The following ATF2 variants were observed in gnomAD, a reference collection of about 807,000 sequenced individuals.
ATF2 encodes cyclic AMP-dependent transcription factor ATF-2.
ATF2 carries 24 observed loss-of-function variants against 60.6 expected under a neutral mutation model. The ratio of observed to expected loss-of-function variants is 0.40; its 90% CI spans 0.29 to 0.56. The LOEUF (loss-of-function observed/expected upper bound fraction) is 0.56. Among genes scored for constraint, ATF2 ranks in the 20% least tolerant of loss-of-function variants. The pLI is 0.54. For missense variants in ATF2, 433 were observed against 607.7 expected (o/e 0.71, Z 3.02); for synonymous variants, 206 against 215.4 (o/e 0.96, Z 0.38).
intron 11 of ATF2, among the ~76,000 whole-genome samples, chr2:175,096,725 A>G (rs901116477): frequency 1.3e-5 from 2 of 152,186 alleles, no homozygotes; most frequent in African/African-American, 4.8e-5. Flanking sequence ...TAATTTTTTA[A>G]GAAGAGATCC....
chr2:175,139,709 A>G (rs1028127722), intron 2 of ATF2, among the ~76,000 whole-genome samples: 6 of 152,036 alleles, frequency 3.9e-5, no homozygotes, highest in African/African-American at 1.4e-4. Context: ...GATTACATTA[A>G]ATACCACCAC....
chr2:175,166,746 A>G (rs1700373250), intron 1 of ATF2, among the ~76,000 whole-genome samples: 1 of 152,220 alleles, frequency 6.6e-6, no homozygotes, highest in African/African-American at 2.4e-5. Context: ...GCCAGTGGTC[A>G]TGTTTCTTCA....
At position 175,114,039 on chromosome 2, in the gene ATF2, A is replaced by C. The variant is rs1007687506; in HGVS notation, c.696T>G (p.Pro232=). 6.2e-7 allele frequency: 1 copy of C among 1,612,972 alleles called. No homozygotes were observed. The highest frequency in any genetic ancestry group is 1.3e-5 in the African/African-American group (1 of 74,834). The part of the protein sequence containing the change: ...PNGQTMPVAI[P]ASITSSNVHV... The stretch of plus-strand genomic sequence containing the variant: ...GCACATTAGAACTTGTAATTGATGC[A>C]GGAATAGCAACAGGCATGGTTTGTC... The change falls in exon 9 of 14, where the codon CCT becomes CCG. Residue 232 remains proline (P), a synonymous_variant. Transcript: ENST00000264110.
intron 12 of ATF2, among the ~76,000 whole-genome samples, chr2:175,082,806 T>C (rs1394985639): frequency 6.6e-6 from 1 of 152,210 alleles, no homozygotes; most frequent in African/African-American, 2.4e-5. Context: ...ATACATACCG[T>C]TGTCTTTATC....
intron 10 of ATF2, among the ~76,000 whole-genome samples, chr2:175,104,497 G>C (rs973451154): frequency 6.6e-6 from 1 of 152,098 alleles, no homozygotes; most frequent in Admixed American, 6.6e-5. Flanking sequence ...CAGGTGAAGA[G>C]TCAGAAAAAT....
chr2:175,114,879 A>G lies in ATF2; in HGVS notation c.448-11T>C, dbSNP rs1378987188. On this transcript the variant is annotated splice_polypyrimidine_tract_variant and intron_variant, in intron 7 of 13. Coordinates refer to ENST00000264110, the MANE Select transcript of ATF2 (RefSeq NM_001880.4). ...TGCCAATGGTACTTCCTATTTAACA[A>G]TGAGATAAAAAAGGGTGGCATTTAA... 1 of 1,605,858 alleles carries G rather than the reference A, an allele frequency of 6.2e-7. No homozygotes were observed. Among genetic ancestry groups the G allele is most frequent in the South Asian group, 1.1e-5 (1 of 90,252 alleles).
In ATF2 at chr2:175,097,548, C is replaced by T. The variant is rs1191084388; in HGVS notation, c.874G>A (p.Gly292Ser). The T allele has an allele frequency of 6.2e-7, 1 of 1,614,088 alleles. No homozygotes were observed. The highest frequency in any genetic ancestry group is 8.5e-7 in the Non-Finnish European group (1 of 1,179,994). ...LTQQHPPVTN[G>S]DTVKGHGSGL... ...CTACCATGACCTTTGACAGTATCAC[C>T]ATTGGTAACTGGAGGATGTTGCTGG... The change falls in exon 11 of 14, where the codon GGT becomes AGT. Residue 292 changes from glycine (G) to serine (S), a missense_variant. Gly to Ser is a moderately conservative substitution (Grantham distance 56). Coordinates refer to ENST00000264110, the MANE Select transcript of ATF2 (RefSeq NM_001880.4).
chr2:175,144,511 C>T (rs144079364), intron 2 of ATF2, among the ~76,000 whole-genome samples: 44 of 152,076 alleles, frequency 2.9e-4, no homozygotes, highest in African/African-American at 9.6e-4. Flanking sequence ...AGAAATTAAC[C>T]GGCAAAACAC....
chr2:175,090,265 ATGTT>A (rs1415815421), intron 12 of ATF2, among the ~76,000 whole-genome samples: 1 of 152,090 alleles, frequency 6.6e-6, no homozygotes, highest in African/African-American at 2.4e-5. Context: ...ACAACATCTG[ATGTT>A]TGTTCTATAT....
chr2:175,094,936 C>T (rs888093201), intron 11 of ATF2, among the ~76,000 whole-genome samples: 1 of 151,548 alleles, frequency 6.6e-6, no homozygotes, highest in African/African-American at 2.4e-5. Flanking sequence ...AGGAAGATCC[C>T]GTCTCAAAAA....
chr2:175,093,089 T>C lies in ATF2; in HGVS notation c.1157A>G (p.Asp386Gly), dbSNP rs990847052. ...WVQSLEKKAE[D>G]LSSLNGQLQS... The stretch of plus-strand genomic sequence containing the variant: ...CAGCTGACCATTTAATGAACTCAAG[T>C]CTTCAGCTTTCTTCTCTAAAGACTG... Residue 386 changes from aspartate (D) to glycine (G), a missense_variant, in exon 12 of 14, where the codon GAC becomes GGC. Asp to Gly is a moderately conservative substitution (Grantham distance 94). Transcript: ENST00000264110. 6.2e-7 allele frequency: 1 copy of C among 1,614,112 alleles called. No homozygotes were observed. Among genetic ancestry groups the C allele is most frequent in the Non-Finnish European group, 8.5e-7 (1 of 1,180,044 alleles).
intron 2 of ATF2, among the ~76,000 whole-genome samples, chr2:175,142,731 G>A (rs2105788245): frequency 6.8e-6 from 1 of 146,740 alleles, no homozygotes; most frequent in Non-Finnish European, 1.6e-5. Context: ...GTGTGTGTGT[G>A]TGTGTGTGTG....
At chr2:175,132,757 T>A (rs1697827089) in intron 3 of ATF2, 1 of 152,216 alleles carries the variant, frequency 6.6e-6, no homozygotes, top group Non-Finnish European at 1.5e-5. Flanking sequence ...GAATTCAGTA[T>A]CTTTAAATAG....
At chr2:175,099,249 G>T (rs1695152720) in intron 10 of ATF2, among the ~76,000 whole-genome samples, 1 of 151,824 alleles carries the variant, frequency 6.6e-6, no homozygotes, top group East Asian at 1.9e-4. Context: ...GATTACAGGT[G>T]CATGCCACCA....
At position 175,073,437 on chromosome 2, in the gene ATF2, T is replaced by G. The variant is rs1016162114; in HGVS notation, c.*1172A>C. On this transcript the variant is annotated 3_prime_UTR_variant, in exon 14 of 14. Coordinates refer to ENST00000264110, the MANE Select transcript of ATF2 (RefSeq NM_001880.4). The stretch of plus-strand genomic sequence containing the variant: ...CATCGTTAAACATTCAAGCAAAGAT[T>G]GCTGGCATAAACTATTAAAAGACAC... The G allele has an allele frequency of 3.3e-5, 5 of 151,982 alleles. No individual in the cohort carries two copies. Among genetic ancestry groups the G allele is most frequent in the African/African-American group, 1.2e-4 (5 of 41,374 alleles). The allele number at this position is 151,982 out of a possible 1,614,324, so 9.4% of individuals were successfully genotyped here.
chr2:175,097,727 T>G, intron 10 of ATF2, 134 bp from the exon 11 acceptor site: 1 of 905,374 alleles, frequency 1.1e-6, no homozygotes, highest in Middle Eastern at 2.9e-4. Flanking sequence ...ATTCTGTATT[T>G]TGCTGTTCCT....
Position 175,128,211 on chromosome 2 carries a change from C to G in ATF2, c.102+1927G>C, listed in dbSNP as rs191944595. On this transcript the variant is annotated intron_variant, in intron 4 of 13. Transcript: ENST00000264110. ...AAACCCGTATTTTTTAAAAACTTAGCTTCAACTGGCTGGGCGCGGTGGCTC... is the reference window on the plus strand; with the variant it reads ...AAACCCGTATTTTTTAAAAACTTAGGTTCAACTGGCTGGGCGCGGTGGCTC... 1.4e-3 allele frequency among the ~76,000 whole-genome samples: 209 copies of G among 152,282 alleles called. 1 individual carries two copies. The highest frequency in any genetic ancestry group is 5.0e-3 in the African/African-American group (206 of 41,562).
At chr2:175,140,029 G>GA (rs1429441195) in intron 2 of ATF2, among the ~76,000 whole-genome samples, 2 of 151,884 alleles carry the variant, frequency 1.3e-5, no homozygotes, top group Non-Finnish European at 2.9e-5. Flanking sequence ...CCTTCTTTGA[G>GA]AAAAAAATAA....
At chr2:175,154,228 A>AAG (rs1297282930) in intron 1 of ATF2, among the ~76,000 whole-genome samples, 5 of 145,086 alleles carry the variant, frequency 3.4e-5, no homozygotes, top group Non-Finnish European at 6.0e-5. Flanking sequence ...AAGAAAAGAA[A>AAG]AAAAAAATAT....
Sources: allele counts gnomAD v4.1 joint callset (sites outside exome capture counted in the v4.1 genomes callset), GRCh38; gene constraint gnomAD v4.1.1; transcripts MANE v1.5; gene names NCBI Gene and HGNC (gene_info 2026-07-23, HGNC 2026-07-21).